Variants in CENPC observed in about 807,000 individuals in gnomAD.
CENPC encodes the protein CENP-C 1.
In CENPC, 63 loss-of-function variants were observed where a neutral mutation model predicts 112.1. The observed-to-expected ratio is 0.56, with a 90% CI of 0.46 to 0.69. CENPC has a LOEUF of 0.69. Ranked by LOEUF, CENPC falls within the 30% of genes least tolerant of loss-of-function variation. The pLI, the probability that CENPC is intolerant of heterozygous loss-of-function variation, is 0.00. For synonymous variants in CENPC, 333 were observed against 367.6 expected, an observed-to-expected ratio of 0.91 and a Z score of 1.08; for missense variants, 1,000 against 1,103.8, an observed-to-expected ratio of 0.91 and a Z score of 1.33.
At chr4:67,504,322 A>C (rs544520504) in intron 12 of CENPC, among the ~76,000 whole-genome samples, 1 of 152,318 alleles carries the variant, frequency 6.6e-6, no homozygotes, top group East Asian at 1.9e-4. Flanking sequence ...TTACCAAAGA[A>C]AAAGCAGAAA....
At chr4:67,530,666 G>A (rs1726520830) in intron 5 of CENPC, 149 bp downstream of exon 5, 1 of 420,582 alleles carries the variant, frequency 2.4e-6, no homozygotes, top group Non-Finnish European at 4.2e-6. Flanking sequence ...GAGTTGTAAG[G>A]AAATCAAAAA....
intron 17 of CENPC, 101 bp downstream of exon 17, chr4:67,489,866 G>T: frequency 9.8e-7 from 1 of 1,022,176 alleles, no homozygotes; most frequent in Non-Finnish European, 1.4e-6. Flanking sequence ...TGTAGTAATC[G>T]AATTTCATTT....
intron 12 of CENPC, among the ~76,000 whole-genome samples, chr4:67,502,892 ATCC>A (rs1725630800): frequency 6.6e-6 from 1 of 151,982 alleles, no homozygotes; most frequent in Non-Finnish European, 1.5e-5. Context: ...ATACCTAAAA[ATCC>A]TCCTCCTGCT....
chr4:67,516,926 TACA>T (rs1726074047), intron 7 of CENPC, among the ~76,000 whole-genome samples: 1 of 151,956 alleles, frequency 6.6e-6, no homozygotes, highest in Admixed American at 6.5e-5. Flanking sequence ...TATATTTGAC[TACA>T]ACAATTAAAC....
At chr4:67,504,556 T>C (rs1051962504) in intron 12 of CENPC, among the ~76,000 whole-genome samples, 2 of 152,160 alleles carry the variant, frequency 1.3e-5, no homozygotes, top group Admixed American at 6.5e-5. Context: ...GAGTGGTGGC[T>C]CACACCTGTA....
chr4:67,530,054 T>C (rs1044287898), intron 5 of CENPC, among the ~76,000 whole-genome samples: 1 of 152,172 alleles, frequency 6.6e-6, no homozygotes, highest in Non-Finnish European at 1.5e-5. Flanking sequence ...GATTATGTCA[T>C]GTTACATACC....
In CENPC at chr4:67,508,978, C is replaced by T. The variant is rs756870680; in HGVS notation, c.1740G>A (p.Arg580=). 1.9e-6 allele frequency: 3 copies of T among 1,613,344 alleles called. No homozygotes were observed. Among genetic ancestry groups the T allele is most frequent in the Non-Finnish European group, 1.7e-6 (2 of 1,179,678 alleles). Residue 580 remains arginine, a synonymous_variant, in exon 10 of 19, where the codon AGG becomes AGA. Transcript: ENST00000273853. Reference sequence around the variant, plus strand: ...GGTTGCCTTTAGTTGCTGTCTTCTGCCTTTTAAGTGGAATAGTTTTTTTCC... The same window carrying T: ...GGTTGCCTTTAGTTGCTGTCTTCTGTCTTTTAAGTGGAATAGTTTTTTTCC... The part of the protein sequence containing the change: ...NIRKKTIPLK[R]QKTATKGNQR...
chr4:67,495,365 T>C (rs1408298586), intron 12 of CENPC, among the ~76,000 whole-genome samples, 153 bp from the exon 13 acceptor site: 1 of 152,242 alleles, frequency 6.6e-6, no homozygotes, highest in East Asian at 1.9e-4. Context: ...ATTGCTCAAC[T>C]ATAAAAACTA....
chr4:67,509,267 A>G (rs1725830297), intron 9 of CENPC, among the ~76,000 whole-genome samples, 162 bp from the exon 10 acceptor site: 1 of 149,222 alleles, frequency 6.7e-6, no homozygotes, highest in East Asian at 2.0e-4. Context: ...TCTCAGGCTA[A>G]ATTTATTTCC....
intron 4 of CENPC, among the ~76,000 whole-genome samples, chr4:67,534,009 G>A (rs148518376): frequency 7.9e-5 from 12 of 152,262 alleles, no homozygotes; most frequent in Non-Finnish European, 1.8e-4. Context: ...CTGCACTCCA[G>A]CAACAGAGCA....
At chr4:67,520,415 C>T (rs967921032) in intron 5 of CENPC, among the ~76,000 whole-genome samples, 2 of 152,142 alleles carry the variant, frequency 1.3e-5, no homozygotes, top group Non-Finnish European at 2.9e-5. Context: ...ACACCCCAGG[C>T]CATCCCAGTC....
In CENPC at chr4:67,519,492, A is replaced by C. The variant is rs1411357017; in HGVS notation, c.342T>G (p.His114Gln). ...SEATNRSVQA[H>Q]EVHQKILATD... The stretch of plus-strand genomic sequence containing the variant: ...TTGCCAGAATTTTCTGATGAACTTC[A>C]TGGGCCTGAACTAGAAGAAAATTAT... Residue 114 changes from histidine to glutamine, a missense_variant, in exon 6 of 19, where the codon CAT becomes CAG. Transcript: ENST00000273853. 6.3e-7 allele frequency: 1 copy of C among 1,575,226 alleles called. No homozygotes were observed.
At chr4:67,494,696 T>C (rs1356917837) in intron 13 of CENPC, among the ~76,000 whole-genome samples, 2 of 152,170 alleles carry the variant, frequency 1.3e-5, no homozygotes, top group Non-Finnish European at 2.9e-5. Context: ...GACTGGCAAA[T>C]ATCTCTTTGG....
chr4:67,542,953 A>C (rs981824563), intron 2 of CENPC, among the ~76,000 whole-genome samples: 3 of 152,144 alleles, frequency 2.0e-5, no homozygotes, highest in Non-Finnish European at 1.5e-5. Flanking sequence ...GCTTTTTCAA[A>C]ATTTATCAAA....
chr4:67,509,205 CAT>C (rs760429097), intron 9 of CENPC, 100 bp from the exon 10 acceptor site: 16 of 499,248 alleles, frequency 3.2e-5, no homozygotes, highest in African/African-American at 6.1e-5. Flanking sequence ...AACATATACA[CAT>C]ACACACACAC....
rs1470457400 is a variant in CENPC, at chr4:67,491,521, A to AGCGC, written c.2515+658_2515+659insGCGC. On this transcript the variant is annotated intron_variant, in intron 16 of 18. Coordinates refer to ENST00000273853, the MANE Select transcript of CENPC (RefSeq NM_001812.4). ...GAGAGAGAGAGAGAGAGAGAGAGAG[A>AGCGC]GAGAGAGCCTGGTTGTTAAACAGTT... 3.8e-4 allele frequency among the ~76,000 whole-genome samples: 51 copies of AGCGC among 134,766 alleles called. 2 individuals are homozygous for AGCGC. Among genetic ancestry groups the AGCGC allele is most frequent in the African/African-American group, 1.2e-3 (42 of 35,904 alleles). The allele number at this position is 134,766 out of a possible 152,430, so 88.4% of individuals were successfully genotyped here.
At chr4:67,504,808 C>T (rs988495795) in intron 12 of CENPC, among the ~76,000 whole-genome samples, 9 of 151,262 alleles carry the variant, frequency 5.9e-5, no homozygotes, top group Non-Finnish European at 8.8e-5. Context: ...GGAGACAGAG[C>T]GAGACTCCGT....
intron 7 of CENPC, among the ~76,000 whole-genome samples, chr4:67,517,777 C>T (rs1027067172): frequency 1.3e-5 from 2 of 152,056 alleles, no homozygotes; most frequent in Non-Finnish European, 2.9e-5. Flanking sequence ...GGAGAGGTTG[C>T]AATGAGCCGA....
intron 5 of CENPC, among the ~76,000 whole-genome samples, chr4:67,525,809 T>A (rs111571266): frequency 7.4e-4 from 113 of 152,276 alleles, no homozygotes; most frequent in African/African-American, 2.5e-3. Flanking sequence ...AACCCAGCAA[T>A]CCCATCACTG....
Sources: allele counts gnomAD v4.1 joint callset (sites outside exome capture counted in the v4.1 genomes callset), GRCh38; gene constraint gnomAD v4.1.1; transcripts MANE v1.5; gene names NCBI Gene and HGNC (gene_info 2026-07-23, HGNC 2026-07-21).